Variants in SMG1 observed in about 807,000 individuals in gnomAD.
SMG1 encodes SMG1 nonsense mediated mRNA decay associated PI3K related kinase.
A neutral mutation model predicts 419.9 loss-of-function variants in SMG1; 22 were observed. That is an observed-to-expected ratio of 0.05 (90% CI 0.04 to 0.07). The LOEUF (loss-of-function observed/expected upper bound fraction) is 0.07, where lower values mean the gene tolerates loss of function less well. SMG1 is among the 10% of genes least tolerant of loss of function. The pLI, the probability that SMG1 is intolerant of heterozygous loss-of-function variation, is 1.00. For missense variants in SMG1, 3,185 were observed against 4,342.0 expected (o/e 0.73, Z 7.49); for synonymous variants, 1,538 against 1,553.5 (o/e 0.99, Z 0.23).
intron 49 of SMG1, 91 bp downstream of exon 49, chr16:18,834,801 T>C: frequency 3.6e-6 from 5 of 1,379,666 alleles, no homozygotes; most frequent in Admixed American, 2.0e-5. Context: ...CTGTAACACT[T>C]GGCAAGACTA....
intron 50 of SMG1, 28 bp downstream of exon 50, chr16:18,834,176 A>G (rs747463501): frequency 6.7e-7 from 1 of 1,484,938 alleles, no homozygotes; most frequent in South Asian, 1.2e-5. Context: ...ATCTAAAACA[A>G]ACTAATATTT....
chr16:18,834,540 G>T (rs1394890110), intron 49 of SMG1, 102 bp from the exon 50 acceptor site: 40 of 1,113,896 alleles, frequency 3.6e-5, no homozygotes, highest in South Asian at 2.3e-4. Context: ...ATTTTGGGAG[G>T]CCGAGGCAGG....
At position 18,896,810 on chromosome 16, in the gene SMG1, A is replaced by G. The variant is rs776679315; in HGVS notation, c.239T>C (p.Ile80Thr). The change falls in exon 2 of 63, where the codon ATA (isoleucine) becomes ACA (threonine). Residue 80 changes from isoleucine (I) to threonine (T), a missense_variant. Ile to Thr is a moderately conservative substitution (Grantham distance 89). Around this residue, in one of 27 missense-constraint regions of SMG1, gnomAD observed 42 missense variants for 100.1 expected, o/e 0.42. Coordinates refer to ENST00000446231, the MANE Select transcript of SMG1 (RefSeq NM_015092.5). Reference protein sequence around the residue: ...RHDDTRVHADIQNDEKGGYSV... With the variant: ...RHDDTRVHADTQNDEKGGYSV... The stretch of plus-strand genomic sequence containing the variant: ...ATATATACCCTTTTCGTCATTCTGT[A>G]TGTCAGCGTGGACTCTGGTATCATC... The G allele has an allele frequency of 3.1e-6, 5 of 1,607,166 alleles. No homozygotes were observed. Among genetic ancestry groups the G allele is most frequent in the Non-Finnish European group, 1.7e-6 (2 of 1,176,278 alleles).
chr16:18,886,464 C>G (rs2036616250), intron 6 of SMG1, among the ~76,000 whole-genome samples: 1 of 152,156 alleles, frequency 6.6e-6, no homozygotes, highest in African/African-American at 2.4e-5. Flanking sequence ...AGGAAAAGCT[C>G]TGCTTTACAT....
At chr16:18,835,255 A>G (rs2033483107) in intron 48 of SMG1, 91 bp from the exon 49 acceptor site, 2 of 1,294,380 alleles carry the variant, frequency 1.5e-6, no homozygotes, top group Non-Finnish European at 2.1e-6. Context: ...CAAAACTTGA[A>G]GAGTAGAAAT....
At chr16:18,890,115 A>G (rs1289450437) in intron 5 of SMG1, among the ~76,000 whole-genome samples, 1 of 152,236 alleles carries the variant, frequency 6.6e-6, no homozygotes, top group Non-Finnish European at 1.5e-5. Context: ...GGGAATCACC[A>G]TAACAAGAAA....
In SMG1 at chr16:18,845,451, C is replaced by T; in HGVS notation, c.6197G>A (p.Ser2066Asn). The change falls in exon 39 of 63, where the codon AGC becomes AAC. Residue 2066 changes from serine (S) to asparagine (N), a missense_variant. By Grantham distance (46) the Ser-to-Asn change is conservative (BLOSUM62 1). Coordinates refer to ENST00000446231, the MANE Select transcript of SMG1 (RefSeq NM_015092.5). ...KTPLNPAKPG[S>N]SWIPFKEIML... ...TACCTCTTTAAATGGAATCCAGCTG[C>T]TCCCAGGCTTTGCAGGGTTCAATGG... The T allele has an allele frequency of 1.2e-6, 2 of 1,613,930 alleles. No homozygotes were observed. The highest frequency in any genetic ancestry group is 1.7e-6 in the Non-Finnish European group (2 of 1,179,840).
chr16:18,831,628 C>T (rs551831388), intron 51 of SMG1, among the ~76,000 whole-genome samples: 37 of 151,452 alleles, frequency 2.4e-4, no homozygotes, highest in African/African-American at 8.2e-4. Flanking sequence ...TGGGGGCATA[C>T]GTCCATAGTC....
chr16:18,877,877 G>A (rs541664320), intron 11 of SMG1: 6 of 152,266 alleles, frequency 3.9e-5, no homozygotes, highest in Non-Finnish European at 5.9e-5. Context: ...AAAAAGAGGT[G>A]TAATTCTGGC....
rs769251632 is a variant in SMG1, at chr16:18,834,297, C to A, written c.8472G>T (p.Gln2824His). 1.1e-5 allele frequency: 17 copies of A among 1,612,440 alleles called. No individual in the cohort carries two copies. In the Admixed American group the frequency reaches 2.8e-4, roughly 27 times the overall value. Reference protein sequence around the residue: ...NVTCLVQLLKQCHLVPQDLDI... With the variant: ...NVTCLVQLLKHCHLVPQDLDI... The stretch of plus-strand genomic sequence containing the variant: ...CTAAGTCCTGTGGCACCAGGTGGCA[C>A]TGCTTCAGTAACTGAACCAAGCAGG... Residue 2824 changes from glutamine to histidine, a missense_variant, in exon 50 of 63, where the codon CAG (glutamine) becomes CAT (histidine). Physicochemically the swap from Gln to His is conservative, Grantham distance 24. Around this residue, in one of 27 missense-constraint regions of SMG1, gnomAD observed 412 missense variants for 546.6 expected, o/e 0.75. Transcript: ENST00000446231.
At chr16:18,896,718 G>C in intron 2 of SMG1, 75 bp downstream of exon 2, 1 of 1,059,584 alleles carries the variant, frequency 9.4e-7, no homozygotes, top group Non-Finnish European at 1.4e-6. Context: ...AAGAAAGTTG[G>C]GGGTATAAGA....
At chr16:18,844,474 TAC>T (rs71141074) in intron 39 of SMG1, among the ~76,000 whole-genome samples, 318 of 4,174 alleles carry the variant, frequency 0.076, 98 homozygotes, top group East Asian at 0.32. Flanking sequence ...CCCGCCCACC[TAC>T]ACACACACAC....
At chr16:18,849,418 T>C (rs1555493343) in intron 35 of SMG1, 40 bp from the exon 36 acceptor site, 9 of 1,557,680 alleles carry the variant, frequency 5.8e-6, no homozygotes, top group Non-Finnish European at 7.9e-6. Flanking sequence ...TAAAGTTATT[T>C]AAAACTATGA....
chr16:18,894,416 T>G (rs1225722360), intron 3 of SMG1, among the ~76,000 whole-genome samples: 2 of 152,128 alleles, frequency 1.3e-5, no homozygotes, highest in African/African-American at 4.8e-5. Context: ...CTACTTACAA[T>G]TCTGTCACTA....
chr16:18,837,987 A>G, intron 45 of SMG1, 27 bp downstream of exon 45: 1 of 1,607,234 alleles, frequency 6.2e-7, no homozygotes, highest in Non-Finnish European at 8.5e-7. Context: ...AAAGAAGACA[A>G]TGACTTATTC....
intron 1 of SMG1, among the ~76,000 whole-genome samples, chr16:18,902,465 G>C (rs887522191): frequency 2.0e-5 from 3 of 152,270 alleles, no homozygotes; most frequent in African/African-American, 7.2e-5. Flanking sequence ...CACTTTGGGA[G>C]GCCCAGGCAG....
chr16:18,877,197 T>C lies in SMG1; in HGVS notation c.1554A>G (p.Ser518=). 1 of 1,555,678 alleles carries C rather than the reference T, an allele frequency of 6.4e-7. No homozygotes were observed. Among genetic ancestry groups the C allele is most frequent in the East Asian group, 2.3e-5 (1 of 43,974 alleles). The change falls in exon 12 of 63, where the codon TCA becomes TCG. Residue 518 remains serine (S), a synonymous_variant. Transcript: ENST00000446231. ...ATGGTATAAACAGTTTTTCTACAAA[T>C]GATGATGGCAGTTTCGTATTTATCT... The part of the protein sequence containing the change: ...VEQINTKLPS[S]FVEKLFIPSS...
chr16:18,873,473 C>T (rs1472536350), intron 13 of SMG1, among the ~76,000 whole-genome samples: 2 of 152,334 alleles, frequency 1.3e-5, no homozygotes, highest in South Asian at 2.1e-4. Context: ...CTGCCCCCCT[C>T]GGTCTCCCGA....
chr16:18,891,670 G>A (rs2036887375), intron 4 of SMG1, among the ~76,000 whole-genome samples: 1 of 152,174 alleles, frequency 6.6e-6, no homozygotes, highest in Non-Finnish European at 1.5e-5. Flanking sequence ...CTGAACTCAG[G>A]TGATCCGCCT....
Sources: allele counts gnomAD v4.1 joint callset (sites outside exome capture counted in the v4.1 genomes callset), GRCh38; gene constraint gnomAD v4.1.1; regional missense constraint gnomAD v4.1.1; transcripts MANE v1.5; gene names NCBI Gene and HGNC (gene_info 2026-07-23, HGNC 2026-07-21).